The following DPYD variants were observed in gnomAD, a reference collection of about 807,000 sequenced individuals.
The protein encoded by DPYD is dihydropyrimidine dehydrogenase [NADP(+)].
A neutral mutation model predicts 116.2 loss-of-function variants in DPYD; 109 were observed. That is an observed-to-expected ratio of 0.94 (90% CI 0.80 to 1.10). DPYD has a LOEUF of 1.10. Among genes scored for constraint, DPYD ranks in the 50% least tolerant of loss-of-function variants. The pLI, the probability that DPYD is intolerant of heterozygous loss-of-function variation, is 0.00. For missense variants in DPYD, 1,302 were observed against 1,254.5 expected (o/e 1.04, Z -0.57); for synonymous variants, 440 against 432.0 (o/e 1.02, Z -0.23).
At position 97,796,271 on chromosome 1, in the gene DPYD, T is replaced by C. The variant is rs1428587467; in HGVS notation, c.233+31843A>G. ...TAGATGTAAGTACTAAAAAGCTAAG[T>C]TGTTTTCCTTGTCCTAAGCAACACA... On this transcript the variant is annotated intron_variant, in intron 3 of 22. Coordinates refer to ENST00000370192, the MANE Select transcript of DPYD (RefSeq NM_000110.4). Among the ~76,000 whole-genome samples, 6 of 152,096 alleles carry C rather than the reference T, an allele frequency of 3.9e-5. No individual in the cohort carries two copies. In the East Asian group the frequency reaches 1.2e-3, roughly 29 times the overall value.
At chr1:97,803,632 A>G (rs1667943381) in intron 3 of DPYD, among the ~76,000 whole-genome samples, 1 of 152,002 alleles carries the variant, frequency 6.6e-6, no homozygotes, top group Non-Finnish European at 1.5e-5. Context: ...TTTTTAAGAA[A>G]AAGATTAACA....
intron 11 of DPYD, among the ~76,000 whole-genome samples, chr1:97,554,672 T>A (rs1282453699): frequency 1.3e-5 from 2 of 152,088 alleles, no homozygotes; most frequent in Admixed American, 1.3e-4. Context: ...TAGAATAACC[T>A]GGGGTAAGGA....
intron 21 of DPYD, among the ~76,000 whole-genome samples, chr1:97,088,769 A>G (rs1188061248): frequency 6.6e-6 from 1 of 152,062 alleles, no homozygotes; most frequent in Non-Finnish European, 1.5e-5. Context: ...CAGGAATCAC[A>G]TTTCTACAAA....
chr1:97,263,249 A>C (rs968516893), intron 18 of DPYD, among the ~76,000 whole-genome samples: 3 of 152,160 alleles, frequency 2.0e-5, no homozygotes, highest in Non-Finnish European at 4.4e-5. Context: ...CAAGAAGAGA[A>C]GAAATTGCAT....
intron 11 of DPYD, among the ~76,000 whole-genome samples, chr1:97,559,315 ATAC>A (rs1446533613): frequency 6.6e-6 from 1 of 152,164 alleles, no homozygotes; most frequent in African/African-American, 2.4e-5. Flanking sequence ...GTAGTAAATT[ATAC>A]TACTTGTGAA....
intron 2 of DPYD, among the ~76,000 whole-genome samples, chr1:97,879,388 T>G (rs1436283553): frequency 6.6e-6 from 1 of 151,972 alleles, no homozygotes; most frequent in Non-Finnish European, 1.5e-5. Context: ...GCCTTTCCTT[T>G]TAATTTTCAC....
intron 4 of DPYD, among the ~76,000 whole-genome samples, chr1:97,722,733 A>C (rs575596902): frequency 1.3e-5 from 2 of 151,732 alleles, no homozygotes; most frequent in East Asian, 3.9e-4. Context: ...GATGATAACA[A>C]AAAGGAACAA....
At chr1:97,530,512 T>C (rs754110381) in intron 12 of DPYD, among the ~76,000 whole-genome samples, 1 of 152,138 alleles carries the variant, frequency 6.6e-6, no homozygotes, top group East Asian at 1.9e-4. Context: ...CCACCGCGCC[T>C]GGCCATTATC....
intron 14 of DPYD, among the ~76,000 whole-genome samples, chr1:97,387,202 C>T (rs930074302): frequency 1.3e-5 from 2 of 151,990 alleles, no homozygotes; most frequent in African/African-American, 2.4e-5. Context: ...ACTTTGTCTT[C>T]CCCCATCCTA....
At chr1:97,804,365 T>C (rs753178027) in intron 3 of DPYD, among the ~76,000 whole-genome samples, 4 of 151,754 alleles carry the variant, frequency 2.6e-5, no homozygotes, top group Admixed American at 2.0e-4. Context: ...AGTGAAACAA[T>C]TGAAAGGAAT....
At chr1:97,430,980 C>T (rs558258477) in intron 14 of DPYD, among the ~76,000 whole-genome samples, 1 of 151,794 alleles carries the variant, frequency 6.6e-6, no homozygotes, top group East Asian at 1.9e-4. Flanking sequence ...CAGTTTTTTC[C>T]AGACAATCCT....
intron 8 of DPYD, among the ~76,000 whole-genome samples, chr1:97,676,782 G>T (rs552957661): frequency 8.5e-5 from 13 of 152,250 alleles, no homozygotes; most frequent in African/African-American, 2.6e-4. Context: ...ATTTCCTAGA[G>T]AATACGGCTA....
intron 14 of DPYD, among the ~76,000 whole-genome samples, chr1:97,390,244 A>G (rs1672621149): frequency 6.6e-6 from 1 of 152,082 alleles, no homozygotes; most frequent in African/African-American, 2.4e-5. Flanking sequence ...ATTTTTTAGT[A>G]GGGAAAAACT....
chr1:97,389,713 A>G (rs1672572134), intron 14 of DPYD, among the ~76,000 whole-genome samples: 1 of 152,062 alleles, frequency 6.6e-6, no homozygotes. Context: ...AAATGTATAC[A>G]CTTTTTGTAA....
At chr1:97,428,577 G>T (rs1379007238) in intron 14 of DPYD, among the ~76,000 whole-genome samples, 1 of 152,014 alleles carries the variant, frequency 6.6e-6, no homozygotes, top group Admixed American at 6.6e-5. Context: ...GTAACCGGGA[G>T]ATCCTATGCT....
intron 3 of DPYD, among the ~76,000 whole-genome samples, chr1:97,791,567 C>T (rs1351689575): frequency 1.3e-5 from 2 of 152,250 alleles, no homozygotes; most frequent in East Asian, 3.9e-4. Context: ...TCCAGAGAAG[C>T]CATGCTTAAG....
intron 2 of DPYD, among the ~76,000 whole-genome samples, chr1:97,848,363 C>G (rs1670410660): frequency 6.6e-6 from 1 of 152,172 alleles, no homozygotes; most frequent in Non-Finnish European, 1.5e-5. Flanking sequence ...TCCAAAAGTG[C>G]TGGGATTGCA....
intron 18 of DPYD, among the ~76,000 whole-genome samples, chr1:97,236,812 G>T (rs972912624): frequency 6.6e-6 from 1 of 152,202 alleles, no homozygotes; most frequent in Non-Finnish European, 1.5e-5. Context: ...CTCTAGTGGG[G>T]AATGTTGATA....
At chr1:97,407,291 T>G (rs1266501481) in intron 14 of DPYD, among the ~76,000 whole-genome samples, 1 of 152,218 alleles carries the variant, frequency 6.6e-6, no homozygotes, top group Admixed American at 6.6e-5. Flanking sequence ...TTGTAAAGAT[T>G]ATTAAAACAT....
Sources: gnomAD v4.1 joint callset for allele counts (sites outside exome capture counted in the v4.1 genomes callset) on GRCh38, gnomAD v4.1.1 for gene constraint, MANE v1.5 for transcripts, NCBI Gene and HGNC (gene_info 2026-07-23, HGNC 2026-07-21) for gene names.